The following KIAA0825 variants were observed in gnomAD, a reference collection of about 807,000 sequenced individuals.
KIAA0825 encodes the protein uncharacterized protein KIAA0825.
In KIAA0825, 119 loss-of-function variants were observed where a neutral mutation model predicts 147.6. The ratio of observed to expected loss-of-function variants is 0.81; its 90% CI spans 0.69 to 0.94. The LOEUF is 0.94. Ranked by LOEUF, KIAA0825 falls within the 40% of genes least tolerant of loss-of-function variation. The pLI is 0.00. For missense variants in KIAA0825, 1,381 were observed against 1,472.7 expected, an observed-to-expected ratio of 0.94 and a Z score of 1.02; for synonymous variants, 470 against 518.1, an observed-to-expected ratio of 0.91 and a Z score of 1.26.
chr5:94,483,973 G>A (rs1762767302), intron 6 of KIAA0825, among the ~76,000 whole-genome samples: 1 of 151,106 alleles, frequency 6.6e-6, no homozygotes, highest in Non-Finnish European at 1.5e-5. Flanking sequence ...AATGGCATAT[G>A]GTATCACGTA....
At chr5:94,204,452 C>T (rs1486451334) in intron 20 of KIAA0825, among the ~76,000 whole-genome samples, 1 of 152,122 alleles carries the variant, frequency 6.6e-6, no homozygotes, top group African/African-American at 2.4e-5. Context: ...CCATTCGATT[C>T]TTTGTGAGTC....
At chr5:94,536,901 T>C (rs956206030) in intron 3 of KIAA0825, 95 bp downstream of exon 3, 3 of 841,984 alleles carry the variant, frequency 3.6e-6, no homozygotes, top group South Asian at 2.1e-5. Context: ...AATTAAAACC[T>C]AAAATTATCT....
intron 1 of KIAA0825, chr5:94,594,014 C>T (rs1784815563): frequency 7.9e-6 from 4 of 506,568 alleles, no homozygotes; most frequent in Non-Finnish European, 1.6e-5. Flanking sequence ...AACTATGATC[C>T]ACCTCAAAGG....
intron 16 of KIAA0825, among the ~76,000 whole-genome samples, chr5:94,401,385 A>T (rs116011594): frequency 0.014 from 2,171 of 152,188 alleles, 26 homozygotes; most frequent in Non-Finnish European, 0.02. Flanking sequence ...CACTAGTTTT[A>T]AACTGTAGTT....
chr5:94,163,757 A>T (rs1257297688), intron 20 of KIAA0825, among the ~76,000 whole-genome samples: 1 of 152,118 alleles, frequency 6.6e-6, no homozygotes, highest in Non-Finnish European at 1.5e-5. Flanking sequence ...AATCAATTTA[A>T]ATTTATCTTT....
chr5:94,528,016 A>C (rs769276633), intron 3 of KIAA0825, among the ~76,000 whole-genome samples: 4 of 152,176 alleles, frequency 2.6e-5, no homozygotes, highest in Non-Finnish European at 5.9e-5. Flanking sequence ...AGAATAGTTA[A>C]AAAGTTAAAA....
chr5:94,214,001 C>T (rs912419079), intron 20 of KIAA0825, among the ~76,000 whole-genome samples: 6 of 152,146 alleles, frequency 3.9e-5, no homozygotes, highest in African/African-American at 1.4e-4. Flanking sequence ...ACCTAGCACA[C>T]ATCACATTCA....
At position 94,527,720 on chromosome 5, in the gene KIAA0825, T is replaced by C. The variant is rs892849923; in HGVS notation, c.132-3622A>G. ...CACTGAAATTTCGATTCTGTTACAT[T>C]TCTGTTCATTTCCGTGCTTTTTGTG... is the stretch of plus-strand genomic sequence containing the variant. On this transcript the variant is annotated intron_variant, in intron 3 of 20. Coordinates refer to ENST00000682413, the MANE Select transcript of KIAA0825 (RefSeq NM_001145678.3). 9.2e-5 allele frequency among the ~76,000 whole-genome samples: 14 copies of C among 152,054 alleles called. 1 individual carries two copies. Among genetic ancestry groups the C allele is most frequent in the African/African-American group, 3.4e-4 (14 of 41,436 alleles).
intron 20 of KIAA0825, among the ~76,000 whole-genome samples, chr5:94,240,837 A>G (rs1263827467): frequency 3.3e-5 from 5 of 152,216 alleles, no homozygotes; most frequent in Non-Finnish European, 1.5e-5. Flanking sequence ...CTGCTAATGC[A>G]TTAGCACTGA....
At position 94,356,725 on chromosome 5, in the gene KIAA0825, CT is replaced by C. The variant is rs1172838355; in HGVS notation, c.3710+27642del. On this transcript the variant is annotated intron_variant, in intron 20 of 20. Coordinates refer to ENST00000682413, the MANE Select transcript of KIAA0825 (RefSeq NM_001145678.3). ...TCAAACTTAAGGTTTAACTTGATTT[CT>C]TTTTTTTTTTTTTTTTGAGACGGAG... Among the ~76,000 whole-genome samples, 197 of 116,706 alleles carry C rather than the reference CT, an allele frequency of 1.7e-3. 3 individuals carry two copies. Among genetic ancestry groups the C allele is most frequent in the East Asian group, 5.1e-3 (21 of 4,100 alleles). 76.6% of individuals were successfully genotyped at this position (116,706 alleles called of 152,430 possible).
At chr5:94,573,850 G>T (rs1780446428) in intron 2 of KIAA0825, among the ~76,000 whole-genome samples, 1 of 152,126 alleles carries the variant, frequency 6.6e-6, no homozygotes, top group South Asian at 2.1e-4. Flanking sequence ...TCCAGAGTCA[G>T]ATTGGAAAGT....
At chr5:94,164,655 C>T (rs559720496) in intron 20 of KIAA0825, among the ~76,000 whole-genome samples, 53 of 152,220 alleles carry the variant, frequency 3.5e-4, no homozygotes, top group African/African-American at 1.2e-3. Flanking sequence ...TCGTGATCTG[C>T]CTGCCTCAGC....
chr5:94,378,113 C>T (rs757028290), intron 20 of KIAA0825, among the ~76,000 whole-genome samples: 5 of 152,018 alleles, frequency 3.3e-5, no homozygotes, highest in Non-Finnish European at 5.9e-5. Context: ...ATTCATTTAA[C>T]TTTTATTTTA....
chr5:94,497,214 G>A (rs373532850), intron 5 of KIAA0825, among the ~76,000 whole-genome samples: 5 of 152,094 alleles, frequency 3.3e-5, no homozygotes, highest in South Asian at 4.1e-4. Flanking sequence ...ATCAAATGAA[G>A]AACAAAGTAT....
intron 20 of KIAA0825, among the ~76,000 whole-genome samples, chr5:94,278,040 C>A (rs1025187735): frequency 2.6e-5 from 4 of 152,090 alleles, no homozygotes; most frequent in African/African-American, 9.7e-5. Context: ...CATGTTCTCA[C>A]GCATAAGTGG....
chr5:94,520,586 T>C lies in KIAA0825; in HGVS notation c.632A>G (p.Lys211Arg). The C allele has an allele frequency of 6.2e-7, 1 of 1,613,452 alleles. No individual in the cohort carries two copies. The highest frequency in any genetic ancestry group is 1.1e-5 in the South Asian group (1 of 91,058). The change falls in exon 5 of 21, where the codon AAA (lysine) becomes AGA (arginine). Residue 211 changes from lysine (K) to arginine (R), a missense_variant. Transcript: ENST00000682413. ...CAGTTTATTCTGTATGTTTTGGTATTTGATTATAACTTCTGATTCTGGATA... is the reference window on the plus strand; with the variant it reads ...CAGTTTATTCTGTATGTTTTGGTATCTGATTATAACTTCTGATTCTGGATA... ...FLYPESEVII[K>R]YQNIQNKLLA... is the part of the protein sequence containing the mutation.
At chr5:94,591,841 A>G (rs537160380) in intron 1 of KIAA0825, among the ~76,000 whole-genome samples, 1 of 152,284 alleles carries the variant, frequency 6.6e-6, no homozygotes, top group East Asian at 1.9e-4. Context: ...GCAAAGGCAT[A>G]TATTACATGA....
At chr5:94,248,434 A>G (rs967229722) in intron 20 of KIAA0825, among the ~76,000 whole-genome samples, 8 of 152,144 alleles carry the variant, frequency 5.3e-5, no homozygotes, top group Non-Finnish European at 7.4e-5. Context: ...TATCATGGTC[A>G]TCAACACAAA....
At chr5:94,544,866 A>T (rs909248366) in intron 2 of KIAA0825, among the ~76,000 whole-genome samples, 1 of 152,162 alleles carries the variant, frequency 6.6e-6, no homozygotes, top group African/African-American at 2.4e-5. Context: ...ACAACTAAGT[A>T]CACACAAAAA....
Sources: gnomAD v4.1 joint callset for allele counts (sites outside exome capture counted in the v4.1 genomes callset) on GRCh38, gnomAD v4.1.1 for gene constraint, MANE v1.5 for transcripts, NCBI Gene and HGNC (gene_info 2026-07-23, HGNC 2026-07-21) for gene names.